Variants in SEMA3D observed in about 807,000 individuals in gnomAD.
The protein encoded by SEMA3D is semaphorin-3D.
SEMA3D carries 84 observed loss-of-function variants against 100.1 expected under a neutral mutation model. The observed-to-expected ratio is 0.84, with a 90% confidence interval of 0.70 to 1.01. The LOEUF (loss-of-function observed/expected upper bound fraction) is 1.01. Among genes scored for constraint, SEMA3D ranks in the 50% least tolerant of loss-of-function variants. The pLI is 0.00. For missense variants in SEMA3D, 875 were observed against 934.1 expected (o/e 0.94, Z 0.82); for synonymous variants, 312 against 320.7 (o/e 0.97, Z 0.29).
chr7:85,011,813 G>C (rs1056545651), intron 17 of SEMA3D, among the ~76,000 whole-genome samples: 1 of 151,738 alleles, frequency 6.6e-6, no homozygotes, highest in Admixed American at 6.6e-5. Flanking sequence ...AAAAATAACT[G>C]TTTTGTTTTT....
At chr7:85,043,835 G>A (rs555345092) in intron 9 of SEMA3D, among the ~76,000 whole-genome samples, 1 of 152,180 alleles carries the variant, frequency 6.6e-6, no homozygotes, top group East Asian at 1.9e-4. Context: ...TGAATGTGAG[G>A]CCTCCACAGG....
chr7:85,094,493 G>A (rs1027034922), intron 4 of SEMA3D, among the ~76,000 whole-genome samples: 5 of 151,988 alleles, frequency 3.3e-5, no homozygotes, highest in African/African-American at 9.7e-5. Context: ...CTACGTCACA[G>A]CTCAATTCTC....
intron 1 of SEMA3D, among the ~76,000 whole-genome samples, chr7:85,176,641 CTT>C (rs1015481515): frequency 1.3e-5 from 2 of 151,810 alleles, no homozygotes; most frequent in Non-Finnish European, 2.9e-5. Context: ...GTGAAAACAA[CTT>C]TGGGTCTGAC....
intron 1 of SEMA3D, among the ~76,000 whole-genome samples, chr7:85,161,932 A>C (rs1790754381): frequency 6.6e-6 from 1 of 152,136 alleles, no homozygotes; most frequent in Non-Finnish European, 1.5e-5. Context: ...GAAAACTCTG[A>C]AGAAATGAAA....
At chr7:85,028,828 T>C (rs148087677) in intron 12 of SEMA3D, 1 of 222,250 alleles carries the variant, frequency 4.5e-6, no homozygotes, top group African/African-American at 2.3e-5. Flanking sequence ...ATTCCTGATA[T>C]TGTCCTGGTT....
At chr7:85,226,214 T>TA in the SEMA3D span, among the ~76,000 whole-genome samples, 10 of 151,682 alleles carry the variant, frequency 6.6e-5, no homozygotes, top group Admixed American at 1.3e-4. Context: ...GACACTTCGT[T>TA]AAAAAAAAAC....
the SEMA3D span, among the ~76,000 whole-genome samples, chr7:85,249,652 T>C: frequency 6.6e-6 from 1 of 152,194 alleles, no homozygotes; most frequent in African/African-American, 2.4e-5. Context: ...ATAAATCTGT[T>C]TACTCATATT....
upstream of SEMA3D, among the ~76,000 whole-genome samples, chr7:85,187,333 C>T (rs1033475327): frequency 2.0e-5 from 3 of 152,172 alleles, no homozygotes; most frequent in African/African-American, 7.2e-5. Flanking sequence ...CTTCTCTATA[C>T]CATAAAACCT....
chr7:85,103,929 C>A (rs940178415), intron 3 of SEMA3D, among the ~76,000 whole-genome samples: 1 of 151,864 alleles, frequency 6.6e-6, no homozygotes, highest in Admixed American at 6.6e-5. Flanking sequence ...TTCCGAGGAT[C>A]GAATTTCATA....
chr7:85,173,915 T>C (rs1181402343), intron 1 of SEMA3D, among the ~76,000 whole-genome samples: 1 of 152,130 alleles, frequency 6.6e-6, no homozygotes, highest in Admixed American at 6.6e-5. Flanking sequence ...AAAGCCCCCA[T>C]TGAAAATTAA....
chr7:85,034,772 A>G (rs1015026656), intron 12 of SEMA3D, among the ~76,000 whole-genome samples: 1 of 152,138 alleles, frequency 6.6e-6, no homozygotes, highest in Non-Finnish European at 1.5e-5. Flanking sequence ...GTATCACTCC[A>G]CATCTGTCAG....
chr7:85,228,467 C>T, the SEMA3D span, among the ~76,000 whole-genome samples: 1 of 152,112 alleles, frequency 6.6e-6, no homozygotes. Context: ...TAAGACTTCA[C>T]AAATATCTAC....
At chr7:85,146,932 C>T (rs530779499) in intron 2 of SEMA3D, among the ~76,000 whole-genome samples, 28 of 152,000 alleles carry the variant, frequency 1.8e-4, no homozygotes, top group African/African-American at 4.3e-4. Context: ...AATGTTGGTA[C>T]AGCAATTAGG....
intron 3 of SEMA3D, among the ~76,000 whole-genome samples, chr7:85,119,129 G>A (rs977579054): frequency 6.6e-6 from 1 of 152,182 alleles, no homozygotes; most frequent in Non-Finnish European, 1.5e-5. Flanking sequence ...ATGCTGGCAA[G>A]GTTGTGGAGA....
intron 13 of SEMA3D, 144 bp downstream of exon 13, chr7:85,022,247 C>T (rs1446010441): frequency 1.6e-6 from 1 of 623,108 alleles, no homozygotes. Flanking sequence ...TTAAAAGCTA[C>T]ATAATTTTAA....
chr7:85,036,592 T>C (rs1293748315), intron 12 of SEMA3D, among the ~76,000 whole-genome samples: 1 of 152,146 alleles, frequency 6.6e-6, no homozygotes, highest in East Asian at 1.9e-4. Flanking sequence ...TTAGAATAGC[T>C]GTCATTCTAG....
the SEMA3D span, among the ~76,000 whole-genome samples, chr7:85,222,899 T>C: frequency 6.6e-6 from 1 of 152,016 alleles, no homozygotes; most frequent in Admixed American, 6.6e-5. Context: ...TCGCAAACCA[T>C]GCATCGGACA....
At chr7:85,068,320 A>C in intron 6 of SEMA3D, 36 bp from the exon 7 acceptor site, 1 of 1,110,372 alleles carries the variant, frequency 9.0e-7, no homozygotes, top group Admixed American at 1.7e-5. Context: ...TGAACTTTTT[A>C]AAAATATTAC....
intron 12 of SEMA3D, among the ~76,000 whole-genome samples, chr7:85,035,490 A>C (rs1274757933): frequency 1.3e-5 from 2 of 151,984 alleles, no homozygotes; most frequent in Non-Finnish European, 2.9e-5. Context: ...TTTGCAGAGA[A>C]ATAAACACTG....
Sources: gnomAD v4.1 joint callset for allele counts (sites outside exome capture counted in the v4.1 genomes callset) on GRCh38, gnomAD v4.1.1 for gene constraint, MANE v1.5 for transcripts, NCBI Gene and HGNC (gene_info 2026-07-23, HGNC 2026-07-21) for gene names.